Variants in AGAP1 observed in about 807,000 individuals in gnomAD.
AGAP1 encodes ArfGAP with GTPase domain, ankyrin repeat and PH domain 1, also known as arf-GAP with GTPase, ANK repeat and PH domain-containing protein 1.
AGAP1 carries 29 observed loss-of-function variants against 105.3 expected under a neutral mutation model. The ratio of observed to expected loss-of-function variants is 0.28; its 90% CI spans 0.21 to 0.38. The LOEUF (loss-of-function observed/expected upper bound fraction) is 0.38, where lower values mean the gene tolerates loss of function less well. Among genes scored for constraint, AGAP1 ranks in the 10% least tolerant of loss-of-function variants. The pLI, the probability that AGAP1 is intolerant of heterozygous loss-of-function variation, is 1.00. For synonymous variants in AGAP1, 509 were observed against 485.9 expected, an observed-to-expected ratio of 1.05 and a Z score of -0.63; for missense variants, 998 against 1,165.1, an observed-to-expected ratio of 0.86 and a Z score of 2.09.
Position 235,960,151 on chromosome 2 carries a change from G to A in AGAP1, c.1484-8311G>A, listed in dbSNP as rs377054556. Among the ~76,000 whole-genome samples, 14 of 152,240 alleles carry A rather than the reference G, an allele frequency of 9.2e-5. No homozygotes were observed. Among genetic ancestry groups the A allele is most frequent in the East Asian group, 1.9e-4 (1 of 5,162 alleles). On this transcript the variant is annotated intron_variant, in intron 12 of 17. Transcript: ENST00000304032. This position sits in a 1 kb window ranked among gnomAD's most constrained non-coding sequence, Gnocchi z 4.9. ...TTGCGGACCCACCCTGGAGGACCTC[G>A]GCCCTGTAAGCAGCAGATCAGAGCG... is the stretch of plus-strand genomic sequence containing the variant.
chr2:236,075,414 T>C (rs2058609932), intron 16 of AGAP1, among the ~76,000 whole-genome samples: 1 of 152,044 alleles, frequency 6.6e-6, no homozygotes, highest in Non-Finnish European at 1.5e-5. Context: ...AAGGAAAACA[T>C]AAGACAGATG....
At chr2:235,638,040 C>T (rs1260203146) in intron 1 of AGAP1, among the ~76,000 whole-genome samples, 1 of 152,136 alleles carries the variant, frequency 6.6e-6, no homozygotes. Flanking sequence ...CCAGGAACAC[C>T]CTCATAGACA....
intron 3 of AGAP1, among the ~76,000 whole-genome samples, chr2:235,727,379 T>C (rs1951700684): frequency 6.6e-6 from 1 of 152,134 alleles, no homozygotes; most frequent in African/African-American, 2.4e-5. Flanking sequence ...TTCTCTTTCC[T>C]AATTCACAGA....
At position 235,883,244 on chromosome 2, in the gene AGAP1, C is replaced by G. The variant is rs1470611816; in HGVS notation, c.1051-101C>G. On this transcript the variant is annotated intron_variant, in intron 9 of 17. Coordinates refer to ENST00000304032, the MANE Select transcript of AGAP1 (RefSeq NM_001037131.3). This position sits in a 1 kb window ranked among gnomAD's most constrained non-coding sequence, Gnocchi z 4.5. ...TTCGCCAGTATCACAGAGTGAAGTTCTGCACACACACAGAACTTGAATGTA... is the reference window on the plus strand; with the variant it reads ...TTCGCCAGTATCACAGAGTGAAGTTGTGCACACACACAGAACTTGAATGTA... 1.1e-6 allele frequency: 1 copy of G among 936,182 alleles called. No homozygotes were observed. The highest frequency in any genetic ancestry group is 1.7e-6 in the Non-Finnish European group (1 of 594,140). The allele number at this position is 936,182 out of a possible 1,614,324, so 58.0% of individuals were successfully genotyped here.
At chr2:236,122,806 C>T (rs866062179) in intron 17 of AGAP1, among the ~76,000 whole-genome samples, 5 of 151,560 alleles carry the variant, frequency 3.3e-5, no homozygotes, top group Admixed American at 1.3e-4. Flanking sequence ...CCTCAGCCTC[C>T]TGACACTAGC....
In AGAP1 at chr2:236,073,096, A is replaced by G. The variant is rs1040842494; in HGVS notation, c.2114+23815A>G. On this transcript the variant is annotated intron_variant, in intron 16 of 17. Transcript: ENST00000304032. This position sits in a 1 kb window ranked among gnomAD's most constrained non-coding sequence, Gnocchi z 5.4. ...CTGCAACTTCCGCCTCCCAGATTCG[A>G]GCGATTCTCCTGCCTTGGTCCCCCG... Among the ~76,000 whole-genome samples the G allele has an allele frequency of 1.1e-4, 17 of 151,534 alleles. No homozygotes were observed. Among genetic ancestry groups the G allele is most frequent in the African/African-American group, 3.9e-4 (16 of 41,196 alleles).
chr2:236,118,868 CT>C (rs1358378003), intron 16 of AGAP1, among the ~76,000 whole-genome samples: 1 of 152,014 alleles, frequency 6.6e-6, no homozygotes, highest in East Asian at 1.9e-4. Context: ...GCTGCAGAGT[CT>C]TGAGTTTTCA....
intron 1 of AGAP1, among the ~76,000 whole-genome samples, chr2:235,568,344 C>T (rs185874784): frequency 5.9e-5 from 9 of 152,324 alleles, no homozygotes; most frequent in African/African-American, 1.4e-4. Context: ...AGGCACTTTG[C>T]GGAGCATGGA....
At chr2:236,008,693 TG>T (rs1253622675) in intron 13 of AGAP1, among the ~76,000 whole-genome samples, 9 of 152,234 alleles carry the variant, frequency 5.9e-5, no homozygotes, top group Non-Finnish European at 1.5e-5. Flanking sequence ...CCCGGGTTGA[TG>T]GTCTTTCCCA....
In AGAP1 at chr2:235,740,486, T is replaced by A. The variant is rs1952517407; in HGVS notation, c.311-477T>A. On this transcript the variant is annotated intron_variant, in intron 3 of 17. Transcript: ENST00000304032. This position sits in a 1 kb window ranked among gnomAD's most constrained non-coding sequence, Gnocchi z 5.7. ...CTCTGGAAACACCATTCTCATGATGTTCTATGTCTCCCTTTCAAGAACTGG... is the reference window on the plus strand; with the variant it reads ...CTCTGGAAACACCATTCTCATGATGATCTATGTCTCCCTTTCAAGAACTGG... 6.6e-6 allele frequency among the ~76,000 whole-genome samples: 1 copy of A among 152,224 alleles called. No homozygotes were observed. Among genetic ancestry groups the A allele is most frequent in the Non-Finnish European group, 1.5e-5 (1 of 68,040 alleles).
intron 1 of AGAP1, among the ~76,000 whole-genome samples, chr2:235,618,467 T>C (rs1327565119): frequency 1.3e-5 from 2 of 152,154 alleles, no homozygotes; most frequent in Admixed American, 6.5e-5. Flanking sequence ...CTTTCTTAGT[T>C]TTTTTCTAAC....
At chr2:235,683,626 G>C (rs1232321335) in intron 1 of AGAP1, among the ~76,000 whole-genome samples, 2 of 151,780 alleles carry the variant, frequency 1.3e-5, no homozygotes, top group Non-Finnish European at 2.9e-5. Flanking sequence ...GGATTGAAAG[G>C]TATGTGCTGA....
rs927478907 is a variant in AGAP1, at chr2:236,042,130, C to T, written c.1891+1289C>T. Among the ~76,000 whole-genome samples the T allele has an allele frequency of 1.3e-5, 2 of 152,130 alleles. No individual in the cohort carries two copies. Among genetic ancestry groups the T allele is most frequent in the African/African-American group, 4.8e-5 (2 of 41,432 alleles). ...CAGGAAGGAGATGGACCCTGAGCTC[C>T]ACTTGGGGAGATGGATCTGGCCAGA... is the stretch of plus-strand genomic sequence containing the variant. On this transcript the variant is annotated intron_variant, in intron 15 of 17. Coordinates refer to ENST00000304032, the MANE Select transcript of AGAP1 (RefSeq NM_001037131.3). The surrounding 1 kb of genome is among the most constrained non-coding windows in gnomAD (Gnocchi z 5.6).
intron 13 of AGAP1, among the ~76,000 whole-genome samples, chr2:235,999,921 A>G (rs189590587): frequency 1.3e-5 from 2 of 152,218 alleles, no homozygotes; most frequent in East Asian, 3.9e-4. Context: ...TGTGCCCATA[A>G]CAAACCTGCT....
At chr2:235,647,021 A>C (rs917638681) in intron 1 of AGAP1, among the ~76,000 whole-genome samples, 1 of 151,762 alleles carries the variant, frequency 6.6e-6, no homozygotes, top group Non-Finnish European at 1.5e-5. Context: ...CTGTAGTCCC[A>C]GCTACTCGGG....
At chr2:235,759,294 A>G (rs2317000) in intron 6 of AGAP1, among the ~76,000 whole-genome samples, 11 of 149,754 alleles carry the variant, frequency 7.3e-5, no homozygotes, top group East Asian at 2.0e-4. Flanking sequence ...TCAGCCTCCC[A>G]AGTAGCTGGG....
At position 235,728,599 on chromosome 2, in the gene AGAP1, A is replaced by C. The variant is rs1319937357; in HGVS notation, c.310+10955A>C. 6.6e-6 allele frequency among the ~76,000 whole-genome samples: 1 copy of C among 152,004 alleles called. No individual in the cohort carries two copies. Among genetic ancestry groups the C allele is most frequent in the African/African-American group, 2.4e-5 (1 of 41,390 alleles). On this transcript the variant is annotated intron_variant, in intron 3 of 17. Transcript: ENST00000304032. The surrounding 1 kb of genome is among the most constrained non-coding windows in gnomAD (Gnocchi z 4.3). The stretch of plus-strand genomic sequence containing the variant: ...CTGCTGGTGCCTGCCCTGGGTCCGA[A>C]AGCTGGTGGTGGTCTGTTCTTGTTG...
intron 12 of AGAP1, 152 bp from the exon 13 acceptor site, chr2:235,968,310 G>C: frequency 9.6e-7 from 1 of 1,036,418 alleles, no homozygotes; most frequent in South Asian, 1.9e-5. Context: ...GAGGCTCTAG[G>C]CCTCCAACTC....
rs1337773793 is a variant in AGAP1 at position 235,879,579 on chromosome 2, GA to G, written c.1051-3762del. On this transcript the variant is annotated intron_variant, in intron 9 of 17. Transcript: ENST00000304032. The surrounding 1 kb of genome is among the most constrained non-coding windows in gnomAD (Gnocchi z 5.0). Reference sequence around the variant, plus strand: ...ATTGAGAGTTTTCCTAGGATCAAAAGAAAATCAGCGTAGGCCTGGCACAGTG... The same window carrying G: ...ATTGAGAGTTTTCCTAGGATCAAAAGAAATCAGCGTAGGCCTGGCACAGTG... Among the ~76,000 whole-genome samples the G allele has an allele frequency of 6.6e-6, 1 of 152,108 alleles. No homozygotes were observed. Among genetic ancestry groups the G allele is most frequent in the East Asian group, 1.9e-4 (1 of 5,182 alleles).
Sources: gnomAD v4.1 joint callset for allele counts (sites outside exome capture counted in the v4.1 genomes callset) on GRCh38, gnomAD v4.1.1 for gene constraint, Gnocchi (gnomAD v3.1) non-coding constraint, MANE v1.5 for transcripts, NCBI Gene and HGNC (gene_info 2026-07-23, HGNC 2026-07-21) for gene names.